The following ATE1 variants were observed in gnomAD, a reference collection of about 807,000 sequenced individuals.
ATE1 encodes arginyltransferase 1.
In ATE1, 36 loss-of-function variants were observed where a neutral mutation model predicts 70.5. That is an observed-to-expected ratio of 0.51 (90% CI 0.39 to 0.67). The LOEUF (loss-of-function observed/expected upper bound fraction) is 0.67, where lower values mean the gene tolerates loss of function less well. Ranked by LOEUF, ATE1 falls within the 30% of genes least tolerant of loss-of-function variation. The pLI, the probability that ATE1 is intolerant of heterozygous loss-of-function variation, is 0.00. For missense variants in ATE1, 593 were observed against 629.5 expected, an observed-to-expected ratio of 0.94 and a Z score of 0.62; for synonymous variants, 232 against 219.3, an observed-to-expected ratio of 1.06 and a Z score of -0.51.
chr10:121,848,446 G>A (rs1385757839), intron 8 of ATE1, among the ~76,000 whole-genome samples: 2 of 151,496 alleles, frequency 1.3e-5, no homozygotes, highest in Middle Eastern at 3.2e-3. Context: ...GCAAAACCCC[G>A]TCTCTACTAA....
intron 7 of ATE1, among the ~76,000 whole-genome samples, chr10:121,878,698 A>G (rs1950137437): frequency 6.6e-6 from 1 of 152,180 alleles, no homozygotes; most frequent in Admixed American, 6.5e-5. Context: ...AAAAGGAAAT[A>G]AAAAGAAGAA....
At chr10:121,821,330 G>C (rs953684227) in intron 10 of ATE1, among the ~76,000 whole-genome samples, 3 of 152,144 alleles carry the variant, frequency 2.0e-5, no homozygotes, top group Admixed American at 1.3e-4. Context: ...AAATTGATAA[G>C]GTGGACACAT....
chr10:121,921,814 G>A (rs926197502), intron 3 of ATE1, among the ~76,000 whole-genome samples: 3 of 152,064 alleles, frequency 2.0e-5, no homozygotes, highest in African/African-American at 7.2e-5. Context: ...CTTTGTTCCG[G>A]GCCCAGTCTT....
chr10:121,924,208 T>G (rs1951990277), intron 2 of ATE1, 58 bp downstream of exon 2: 6 of 1,504,118 alleles, frequency 4.0e-6, no homozygotes, highest in Non-Finnish European at 5.5e-6. Flanking sequence ...AAAGGCATGC[T>G]GTATTTTTCA....
intron 11 of ATE1, among the ~76,000 whole-genome samples, chr10:121,777,676 T>G (rs897884298): frequency 2.6e-5 from 4 of 152,234 alleles, no homozygotes; most frequent in Admixed American, 6.5e-5. Context: ...AGTAGTTGGA[T>G]AGTGCACTCT....
intron 10 of ATE1, among the ~76,000 whole-genome samples, chr10:121,804,614 T>C (rs775063281): frequency 3.0e-4 from 45 of 152,200 alleles, no homozygotes; most frequent in Non-Finnish European, 2.1e-4. Flanking sequence ...TTGAGTATGT[T>C]TGGAAGCTGT....
At chr10:121,805,562 G>A (rs1172481685) in intron 10 of ATE1, among the ~76,000 whole-genome samples, 1 of 152,166 alleles carries the variant, frequency 6.6e-6, no homozygotes, top group Non-Finnish European at 1.5e-5. Context: ...CAGCTCTCGT[G>A]TCTGAGAACG....
chr10:121,822,832 A>G (rs1010596844), intron 10 of ATE1, among the ~76,000 whole-genome samples: 2 of 152,200 alleles, frequency 1.3e-5, no homozygotes, highest in African/African-American at 4.8e-5. Context: ...CAGGTAAGAC[A>G]CAGTTTGCTC....
chr10:121,882,683 C>G (rs938327820), intron 7 of ATE1, among the ~76,000 whole-genome samples: 1 of 152,154 alleles, frequency 6.6e-6, no homozygotes, highest in Non-Finnish European at 1.5e-5. Flanking sequence ...ACTGTAAACA[C>G]AGCAAGCACT....
chr10:121,886,763 T>C (rs1950412532), intron 7 of ATE1, among the ~76,000 whole-genome samples: 1 of 152,200 alleles, frequency 6.6e-6, no homozygotes, highest in South Asian at 2.1e-4. Flanking sequence ...AGGGTAAAAC[T>C]GGTTTCCTTG....
intron 7 of ATE1, among the ~76,000 whole-genome samples, chr10:121,887,952 T>C (rs1950457652): frequency 6.6e-6 from 1 of 152,118 alleles, no homozygotes; most frequent in South Asian, 2.1e-4. Context: ...TAATAACTAC[T>C]TCAGGCAAGG....
At chr10:121,893,593 T>C (rs986227737) in intron 7 of ATE1, among the ~76,000 whole-genome samples, 1 of 152,070 alleles carries the variant, frequency 6.6e-6, no homozygotes, top group South Asian at 2.1e-4. Context: ...ATAACAATAA[T>C]GGCACAAAAA....
intron 7 of ATE1, among the ~76,000 whole-genome samples, chr10:121,895,162 A>T (rs1029903568): frequency 1.3e-5 from 2 of 152,218 alleles, no homozygotes; most frequent in African/African-American, 2.4e-5. Flanking sequence ...CTCTCTGAAA[A>T]ACAAGTCTGG....
chr10:121,890,855 C>T (rs4752618), intron 7 of ATE1, among the ~76,000 whole-genome samples: 136,818 of 152,230 alleles, frequency 0.9, 61,637 homozygotes, highest in Middle Eastern at 0.96. Context: ...CAATTTATAT[C>T]ACATTACTTT....
At chr10:121,823,802 T>A (rs2133614352) in intron 10 of ATE1, among the ~76,000 whole-genome samples, 1 of 152,352 alleles carries the variant, frequency 6.6e-6, no homozygotes, top group East Asian at 1.9e-4. Flanking sequence ...AACTTACCTT[T>A]AATTAACATG....
chr10:121,909,466 G>A (rs773246259), intron 5 of ATE1, among the ~76,000 whole-genome samples: 13 of 151,850 alleles, frequency 8.6e-5, no homozygotes, highest in African/African-American at 2.4e-4. Context: ...TTTTAGAAAC[G>A]TATTCTGAAA....
At chr10:121,808,661 CTTATT>C (rs1254775370) in intron 10 of ATE1, among the ~76,000 whole-genome samples, 3 of 152,090 alleles carry the variant, frequency 2.0e-5, no homozygotes, top group African/African-American at 7.2e-5. Flanking sequence ...CAAAAGCCAC[CTTATT>C]TTAAGTGAAC....
chr10:121,914,985 G>A (rs1365733958), intron 3 of ATE1, among the ~76,000 whole-genome samples: 1 of 152,044 alleles, frequency 6.6e-6, no homozygotes, highest in East Asian at 1.9e-4. Context: ...AAACACCCAA[G>A]ACCCACAGTA....
intron 11 of ATE1, among the ~76,000 whole-genome samples, chr10:121,744,225 A>T (rs1944254879): frequency 6.6e-6 from 1 of 152,000 alleles, no homozygotes; most frequent in Non-Finnish European, 1.5e-5. Context: ...CCCAGCCTTC[A>T]TTTCTTAATT....
Sources: allele counts gnomAD v4.1 joint callset (sites outside exome capture counted in the v4.1 genomes callset), GRCh38; gene constraint gnomAD v4.1.1; transcripts MANE v1.5; gene names NCBI Gene and HGNC (gene_info 2026-07-23, HGNC 2026-07-21).